ZNF385D: variants seen among roughly 807,000 people sequenced by gnomAD.
The protein encoded by ZNF385D is zinc finger protein 385D, also known as zinc finger protein 659.
ZNF385D carries 15 observed loss-of-function variants against 35.8 expected under a neutral mutation model. The ratio of observed to expected loss-of-function variants is 0.42; its 90% CI spans 0.28 to 0.64. The LOEUF is 0.64. Ranked by LOEUF, ZNF385D falls within the 30% of genes least tolerant of loss-of-function variation. The probability of loss-of-function intolerance (pLI) is 0.23; values close to 1 mark genes in which losing one functional copy is unlikely to be tolerated. For synonymous variants in ZNF385D, 212 were observed against 186.8 expected, an observed-to-expected ratio of 1.13 and a Z score of -1.10; for missense variants, 474 against 494.6, an observed-to-expected ratio of 0.96 and a Z score of 0.39.
At chr3:22,249,204 G>A (rs1026807512) in intron 2 of ZNF385D, among the ~76,000 whole-genome samples, 1 of 152,072 alleles carries the variant, frequency 6.6e-6, no homozygotes. Flanking sequence ...TGAGCATAAT[G>A]CCATGGCTGC....
chr3:22,275,613 T>A (rs1701387380), intron 2 of ZNF385D, among the ~76,000 whole-genome samples: 1 of 152,152 alleles, frequency 6.6e-6, no homozygotes, highest in African/African-American at 2.4e-5. Flanking sequence ...AGAATCATAT[T>A]TCAATTTTAG....
At chr3:21,533,127 C>A (rs2061961213) in intron 3 of ZNF385D, among the ~76,000 whole-genome samples, 1 of 152,158 alleles carries the variant, frequency 6.6e-6, no homozygotes, top group South Asian at 2.1e-4. Flanking sequence ...TACTGATGTA[C>A]TACCAAACAA....
rs148117541 is a variant in ZNF385D at position 21,788,195 on chromosome 3, T to C, written c.326-123167A>G. ...GAGTAGAAATAGAAAGATAGTAAGATGGGGCGGGCGCAGTGGCTCACGCCT... is the reference window on the plus strand; with the variant it reads ...GAGTAGAAATAGAAAGATAGTAAGACGGGGCGGGCGCAGTGGCTCACGCCT... On this transcript the variant is annotated intron_variant, in intron 3 of 5. Coordinates refer to the ZNF385D transcript ENST00000494108. 5.4e-4 allele frequency among the ~76,000 whole-genome samples: 82 copies of C among 152,250 alleles called. 1 individual carries two copies. Among genetic ancestry groups the C allele is most frequent in the East Asian group, 3.3e-3 (17 of 5,156 alleles).
intron 2 of ZNF385D, among the ~76,000 whole-genome samples, chr3:22,260,812 C>G (rs917414185): frequency 1.4e-4 from 22 of 151,968 alleles, no homozygotes; most frequent in African/African-American, 5.3e-4. Context: ...AACTATTTAT[C>G]AAACTCAAAA....
At chr3:22,310,355 G>C (rs899912376) in intron 2 of ZNF385D, among the ~76,000 whole-genome samples, 1 of 151,916 alleles carries the variant, frequency 6.6e-6, no homozygotes, top group African/African-American at 2.4e-5. Flanking sequence ...CACATAACCT[G>C]TAACTTTTAC....
At chr3:21,990,889 A>G (rs1408359784) in intron 3 of ZNF385D, among the ~76,000 whole-genome samples, 3 of 152,226 alleles carry the variant, frequency 2.0e-5, no homozygotes, top group African/African-American at 4.8e-5. Flanking sequence ...TCTTCTGGCA[A>G]TAACTCACAT....
chr3:21,557,228 T>A (rs995333870), intron 3 of ZNF385D, among the ~76,000 whole-genome samples: 1 of 152,192 alleles, frequency 6.6e-6, no homozygotes, highest in African/African-American at 2.4e-5. Flanking sequence ...AGAGAGGGCA[T>A]CCTTATCTTG....
intron 3 of ZNF385D, among the ~76,000 whole-genome samples, chr3:21,982,868 G>C (rs1012520401): frequency 6.6e-6 from 1 of 151,142 alleles, no homozygotes; most frequent in African/African-American, 2.4e-5. Context: ...TTTGTCTTTA[G>C]TTCTGTTTTT....
At chr3:21,584,986 A>C (rs751121677) in intron 2 of ZNF385D, among the ~76,000 whole-genome samples, 3 of 152,206 alleles carry the variant, frequency 2.0e-5, no homozygotes, top group Non-Finnish European at 2.9e-5. Flanking sequence ...AATTTAAGAA[A>C]ATCTCCAGAG....
chr3:21,528,038 T>TC (rs981690107), intron 3 of ZNF385D, among the ~76,000 whole-genome samples: 4 of 152,166 alleles, frequency 2.6e-5, no homozygotes, highest in African/African-American at 9.7e-5. Flanking sequence ...TTAAATAACT[T>TC]CCCAAGGTCC....
chr3:22,150,378 A>G (rs574220665), intron 3 of ZNF385D, among the ~76,000 whole-genome samples: 6 of 152,174 alleles, frequency 3.9e-5, no homozygotes, highest in East Asian at 3.9e-4. Flanking sequence ...AGTGAGAAAG[A>G]GCTGTATTCA....
chr3:21,550,761 G>A (rs1263080926), intron 3 of ZNF385D, among the ~76,000 whole-genome samples: 1 of 152,086 alleles, frequency 6.6e-6, no homozygotes, highest in Non-Finnish European at 1.5e-5. Context: ...GATTACAGTC[G>A]TGCGCCACCA....
At chr3:21,692,178 A>C (rs2067306753) in intron 1 of ZNF385D, among the ~76,000 whole-genome samples, 1 of 152,150 alleles carries the variant, frequency 6.6e-6, no homozygotes, top group Non-Finnish European at 1.5e-5. Flanking sequence ...TCTGGGTGGC[A>C]TATATTTTTA....
chr3:21,431,990 A>C (rs1480234565), intron 5 of ZNF385D, among the ~76,000 whole-genome samples: 1 of 152,176 alleles, frequency 6.6e-6, no homozygotes, highest in African/African-American at 2.4e-5. Flanking sequence ...GTAGATAATC[A>C]AGGAAAATTA....
At chr3:22,333,356 A>G (rs1016948646) in intron 2 of ZNF385D, among the ~76,000 whole-genome samples, 5 of 152,104 alleles carry the variant, frequency 3.3e-5, no homozygotes, top group Non-Finnish European at 5.9e-5. Flanking sequence ...TTATTTCTTC[A>G]CACATATATT....
At position 21,729,112 on chromosome 3, in the gene ZNF385D, T is replaced by G. The variant is rs1559559038; in HGVS notation, c.22+21783A>C. Among the ~76,000 whole-genome samples the G allele has an allele frequency of 3.3e-5, 5 of 152,166 alleles. No individual in the cohort carries two copies. In the South Asian group the frequency reaches 1.0e-3, roughly 31 times the overall value. On this transcript the variant is annotated intron_variant, in intron 1 of 7. Coordinates refer to ENST00000281523, the MANE Select transcript of ZNF385D (RefSeq NM_024697.3). ...GAAATAAAAATCTTATTTCATTTCA[T>G]GCTGAGCCACTCTCTTTGGCAAAGA...
intron 3 of ZNF385D, among the ~76,000 whole-genome samples, chr3:21,881,259 A>C (rs1191692312): frequency 6.6e-6 from 1 of 151,992 alleles, no homozygotes; most frequent in Non-Finnish European, 1.5e-5. Flanking sequence ...GCCTGGCATC[A>C]AATTTTCAAA....
At chr3:22,099,823 G>A (rs1404051494) in intron 3 of ZNF385D, among the ~76,000 whole-genome samples, 2 of 151,962 alleles carry the variant, frequency 1.3e-5, no homozygotes, top group Non-Finnish European at 2.9e-5. Context: ...GGGAGTGGGG[G>A]CTACTACTGT....
Position 21,683,565 on chromosome 3 carries a change from C to A in ZNF385D, c.23-18537G>T, listed in dbSNP as rs150518123. On this transcript the variant is annotated intron_variant, in intron 1 of 7. Transcript: ENST00000281523. ...CTGGGAGGCGAAGGTTGCAGTGAGC[C>A]GAGATCGCACCACTGCACTCCAGCC... 1.7e-4 allele frequency among the ~76,000 whole-genome samples: 25 copies of A among 149,098 alleles called. 1 individual carries two copies. The highest frequency in any genetic ancestry group is 3.1e-4 in the Non-Finnish European group (21 of 67,146).
Sources: gnomAD v4.1 joint callset for allele counts (sites outside exome capture counted in the v4.1 genomes callset) on GRCh38, gnomAD v4.1.1 for gene constraint, MANE v1.5 for transcripts, NCBI Gene and HGNC (gene_info 2026-07-23, HGNC 2026-07-21) for gene names.